The following CCDC77 variants were observed in gnomAD, a reference collection of about 807,000 sequenced individuals.
CCDC77 encodes the protein coiled-coil domain containing 77.
CCDC77 carries 56 observed loss-of-function variants against 66.8 expected under a neutral mutation model. The ratio of observed to expected loss-of-function variants is 0.84; its 90% confidence interval spans 0.68 to 1.05. The LOEUF is 1.05. CCDC77 is among the 50% of genes least tolerant of loss of function. The pLI is 0.00. For synonymous variants in CCDC77, 196 were observed against 195.2 expected (o/e 1.00, Z -0.03); for missense variants, 570 against 576.8 (o/e 0.99, Z 0.12).
At chr12:436,795 G>A (rs934064971) in intron 9 of CCDC77, 1 of 982,028 alleles carries the variant, frequency 1.0e-6, no homozygotes, top group African/African-American at 1.7e-5. Flanking sequence ...CCTAAGAAGG[G>A]CATGAAATCC....
intron 4 of CCDC77, among the ~76,000 whole-genome samples, chr12:415,891 C>T (rs1174373401): frequency 1.3e-5 from 2 of 151,904 alleles, no homozygotes; most frequent in East Asian, 1.9e-4. Context: ...CTACAACCTC[C>T]GCCTCCCAGG....
At chr12:412,143 C>G (rs1001858619) in intron 4 of CCDC77, among the ~76,000 whole-genome samples, 165 bp downstream of exon 4, 9 of 152,154 alleles carry the variant, frequency 5.9e-5, no homozygotes, top group Non-Finnish European at 1.3e-4. Flanking sequence ...GATCATAACC[C>G]CCAAAACTGC....
chr12:390,210 C>T (rs1437564237), intron 1 of CCDC77: 3 of 151,968 alleles, frequency 2.0e-5, no homozygotes, highest in African/African-American at 4.8e-5. Flanking sequence ...TCTCCATCCC[C>T]GTTACCAGTA....
In CCDC77 at chr12:389,392, T is replaced by G. The variant is rs1944703010; in HGVS notation, c.-207T>G. On this transcript the variant is annotated 5_prime_UTR_variant, in exon 1 of 12. Coordinates refer to the CCDC77 transcript ENST00000422000. ...CGACGCCTGTGTGTCTGGCCTTTCC[T>G]TCTTCTTCTCTTCCCCGGCAGCACA... The G allele has an allele frequency of 9.0e-6, 5 of 553,326 alleles. No homozygotes were observed. The South Asian group carries it at 9.9e-5, about 11-fold the overall frequency. 34.3% of individuals were successfully genotyped at this position (553,326 alleles called of 1,614,324 possible). A position where few individuals can be genotyped will look rare whatever the true frequency, so the allele number is the denominator to read the frequency against.
Position 441,784 on chromosome 12 carries a change from A to AT in CCDC77, c.1332dup (p.Ala445CysfsTer12), listed in dbSNP as rs769222353. The AT allele has an allele frequency of 1.9e-6, 3 of 1,610,388 alleles. No individual in the cohort carries two copies. In the Admixed American group the frequency reaches 5.0e-5, roughly 27 times the overall value. ...TTTTCAAACCCCTAGGCAACAGTTA[A>AT]TGCCCGGGCAAACCAGGATCTTGCC... is the stretch of plus-strand genomic sequence containing the variant. On this transcript the variant is annotated frameshift_variant, in exon 13 of 13. Coordinates refer to ENST00000239830, the MANE Select transcript of CCDC77 (RefSeq NM_032358.4). LOFTEE classifies it high-confidence loss of function.
chr12:404,105 T>A (rs1484308289), intron 1 of CCDC77, among the ~76,000 whole-genome samples: 1 of 152,040 alleles, frequency 6.6e-6, no homozygotes, highest in Admixed American at 6.6e-5. Flanking sequence ...TCATCTGAGG[T>A]CAGGAGTTCG....
chr12:429,633 A>G (rs910105262), intron 6 of CCDC77, among the ~76,000 whole-genome samples: 1 of 151,684 alleles, frequency 6.6e-6, no homozygotes, highest in South Asian at 2.1e-4. Context: ...TAATTTTTGT[A>G]TTTTTTGCAG....
intron 5 of CCDC77, among the ~76,000 whole-genome samples, chr12:422,362 A>G (rs570405588): frequency 3.3e-5 from 5 of 152,272 alleles, no homozygotes; most frequent in Non-Finnish European, 5.9e-5. Flanking sequence ...AACTGTCAAC[A>G]TCATTGAACT....
At position 428,877 on chromosome 12, in the gene CCDC77, T is replaced by A; in HGVS notation, c.510+12T>A. ...AGCCTCCTCACAAAGTAAGTAATCT[T>A]TGGTGTAGCATGGTGAGTGTGGCTT... On this transcript the variant is annotated intron_variant, in intron 6 of 12. Transcript: ENST00000239830. The A allele has an allele frequency of 1.9e-6, 3 of 1,558,194 alleles. No individual in the cohort carries two copies. Among genetic ancestry groups the A allele is most frequent in the Non-Finnish European group, 2.7e-6 (3 of 1,130,966 alleles).
intron 5 of CCDC77, among the ~76,000 whole-genome samples, chr12:428,024 AC>A (rs1945567262): frequency 1.3e-5 from 2 of 152,096 alleles, no homozygotes; most frequent in Admixed American, 6.6e-5. Context: ...TTCCTCATTG[AC>A]CAGGCACTGG....
chr12:430,566 A>G, intron 6 of CCDC77, 98 bp from the exon 7 acceptor site: 3 of 872,244 alleles, frequency 3.4e-6, no homozygotes, highest in Admixed American at 1.7e-5. Flanking sequence ...AGTTTTGACT[A>G]ATTTAACTTC....
intron 1 of CCDC77, among the ~76,000 whole-genome samples, chr12:394,553 C>T (rs947646395): frequency 5.3e-5 from 8 of 152,222 alleles, no homozygotes; most frequent in African/African-American, 1.7e-4. Context: ...AGTATTACCA[C>T]GGTCAATGCT....
chr12:423,476 TGTG>T (rs147741762), intron 5 of CCDC77, among the ~76,000 whole-genome samples: 5,035 of 27,436 alleles, frequency 0.18, 976 homozygotes, highest in East Asian at 0.39. Flanking sequence ...TTGTGTTTTT[TGTG>T]TTTTTTTTTG....
chr12:406,664 G>A (rs1321330248), intron 2 of CCDC77, among the ~76,000 whole-genome samples: 1 of 152,062 alleles, frequency 6.6e-6, no homozygotes, highest in Non-Finnish European at 1.5e-5. Context: ...TGGAACAGGG[G>A]GACCAGGCGT....
chr12:411,810 A>G lies in CCDC77; in HGVS notation c.102A>G (p.Ala34=), dbSNP rs35234577. Residue 34 remains alanine (A), a synonymous_variant, in exon 4 of 13, where the codon GCA becomes GCG. Transcript: ENST00000239830. The stretch of plus-strand genomic sequence containing the variant: ...GTCCCACCAAGAGGAGGGGAATGGC[A>G]GATTCACTGGAGTCAACCCCCTTGC... ...VSGPTKRRGM[A]DSLESTPLPS... 11,034 of 1,614,088 alleles carry G rather than the reference A, an allele frequency of 6.8e-3. 45 individuals are homozygous for G. The highest frequency in any genetic ancestry group is 8.5e-3 in the Non-Finnish European group (10,076 of 1,180,000).
intron 5 of CCDC77, among the ~76,000 whole-genome samples, chr12:423,594 C>G (rs1417233733): frequency 1.3e-5 from 2 of 149,578 alleles, no homozygotes; most frequent in Non-Finnish European, 3.0e-5. Context: ...CTCCCAGGCT[C>G]AGATGATCCC....
intron 1 of CCDC77, among the ~76,000 whole-genome samples, chr12:404,029 G>C (rs1037043072): frequency 1.3e-5 from 2 of 152,230 alleles, no homozygotes; most frequent in African/African-American, 4.8e-5. Flanking sequence ...TTAAAGGGTA[G>C]TTGGCACTAC....
At chr12:402,627 T>C (rs1944918287) in intron 1 of CCDC77, among the ~76,000 whole-genome samples, 1 of 152,178 alleles carries the variant, frequency 6.6e-6, no homozygotes, top group Non-Finnish European at 1.5e-5. Flanking sequence ...AAGCCATGAA[T>C]TCTAGGCTAA....
rs777664834 is a variant in CCDC77, at chr12:431,920, A to G, written c.638A>G (p.His213Arg). 9.3e-6 allele frequency: 15 copies of G among 1,612,644 alleles called. No individual in the cohort carries two copies. The East Asian group carries it at 1.1e-4, about 12-fold the overall frequency. ...AGAGAGAGAAAAGAAAGTTCTGAGC[A>G]TTACCAAAGAGACATACAGACACTC... ...PSRERKESSEHYQRDIQTLIL... is the reference protein window; with the variant it reads ...PSRERKESSERYQRDIQTLIL... The change falls in exon 8 of 13, where the codon CAT becomes CGT. Residue 213 changes from histidine (H) to arginine (R), a missense_variant. Coordinates refer to ENST00000239830, the MANE Select transcript of CCDC77 (RefSeq NM_032358.4).
Sources: allele counts gnomAD v4.1 joint callset (sites outside exome capture counted in the v4.1 genomes callset), GRCh38; gene constraint gnomAD v4.1.1; transcripts MANE v1.5; gene names NCBI Gene and HGNC (gene_info 2026-07-23, HGNC 2026-07-21).